SLC35F4: variants seen among roughly 807,000 people sequenced by gnomAD.
SLC35F4 encodes solute carrier family 35 member F4, also known as chromosome 14 open reading frame 36.
SLC35F4 carries 24 observed loss-of-function variants against 44.2 expected under a neutral mutation model. The observed-to-expected ratio is 0.54, with a 90% CI of 0.39 to 0.76. The LOEUF is 0.76. Among genes scored for constraint, SLC35F4 ranks in the 30% least tolerant of loss-of-function variants. SLC35F4 has a pLI of 0.00. For missense variants in SLC35F4, 562 were observed against 586.1 expected, an observed-to-expected ratio of 0.96 and a Z score of 0.42; for synonymous variants, 238 against 223.6, an observed-to-expected ratio of 1.06 and a Z score of -0.57.
intron 1 of SLC35F4, among the ~76,000 whole-genome samples, chr14:57,681,009 GA>G (rs1424014375): frequency 2.0e-5 from 3 of 151,656 alleles, no homozygotes; most frequent in Non-Finnish European, 4.4e-5. Flanking sequence ...CGAAGAATTG[GA>G]AAAAAACTAC....
intron 1 of SLC35F4, among the ~76,000 whole-genome samples, chr14:57,730,736 A>G (rs920185247): frequency 6.6e-6 from 1 of 152,180 alleles, no homozygotes; most frequent in Admixed American, 6.5e-5. Flanking sequence ...CTGTTTCATT[A>G]TTTAGATCCA....
intron 1 of SLC35F4, among the ~76,000 whole-genome samples, chr14:57,843,642 T>C (rs1885713131): frequency 6.6e-6 from 1 of 152,144 alleles, no homozygotes; most frequent in Admixed American, 6.6e-5. Flanking sequence ...TCTAAAAGAC[T>C]GGAGACGAAG....
At chr14:57,798,221 C>T (rs760033654) in intron 1 of SLC35F4, among the ~76,000 whole-genome samples, 26 of 149,302 alleles carry the variant, frequency 1.7e-4, no homozygotes, top group Admixed American at 6.7e-4. Flanking sequence ...ATACACTCTA[C>T]ATGGAAATAA....
intron 1 of SLC35F4, among the ~76,000 whole-genome samples, chr14:57,642,863 G>T (rs1441692925): frequency 6.6e-6 from 1 of 151,840 alleles, no homozygotes; most frequent in Non-Finnish European, 1.5e-5. Context: ...TAATTATTTA[G>T]GTGGTTTACC....
At chr14:57,730,259 G>C (rs771661771) in intron 1 of SLC35F4, among the ~76,000 whole-genome samples, 2 of 152,114 alleles carry the variant, frequency 1.3e-5, no homozygotes, top group Non-Finnish European at 2.9e-5. Context: ...GTTCCCGCAG[G>C]GGACAGGAAG....
At chr14:57,724,215 CTTGGGCCAT>C (rs1185708011) in intron 1 of SLC35F4, among the ~76,000 whole-genome samples, 1 of 152,202 alleles carries the variant, frequency 6.6e-6, no homozygotes, top group Non-Finnish European at 1.5e-5. Context: ...TGCTCTGCCA[CTTGGGCCAT>C]TTGACCCAGC....
intron 1 of SLC35F4, among the ~76,000 whole-genome samples, chr14:57,858,941 A>AG (rs1371762137): frequency 6.6e-6 from 1 of 151,552 alleles, no homozygotes; most frequent in East Asian, 1.9e-4. Flanking sequence ...TCTAAAAAAA[A>AG]AAAAAAAAAA....
At chr14:57,696,075 T>C (rs541007309) in intron 1 of SLC35F4, among the ~76,000 whole-genome samples, 1 of 152,102 alleles carries the variant, frequency 6.6e-6, no homozygotes, top group South Asian at 2.1e-4. Context: ...AAAGCCAAAA[T>C]TGACAAATGG....
chr14:57,807,805 C>A (rs2140876605), intron 1 of SLC35F4, among the ~76,000 whole-genome samples: 1 of 151,864 alleles, frequency 6.6e-6, no homozygotes, highest in East Asian at 1.9e-4. Context: ...TGTCCTCATG[C>A]CGCTAATAAA....
chr14:57,871,259 C>T (rs1202192542), intron 1 of SLC35F4, among the ~76,000 whole-genome samples: 1 of 152,198 alleles, frequency 6.6e-6, no homozygotes, highest in African/African-American at 2.4e-5. Flanking sequence ...GCCCAGTGGA[C>T]TGAAGATCAG....
rs142293878 is a variant in SLC35F4 at position 57,720,582 on chromosome 14, T to C, written c.104-126458A>G. Among the ~76,000 whole-genome samples the C allele has an allele frequency of 5.3e-5, 8 of 152,262 alleles. No individual in the cohort carries two copies. The East Asian group carries it at 9.7e-4, about 18-fold the overall frequency. ...TAGGTTGTATGTATCTAGGAATTTG[T>C]CCATTTCTTCTAGACTGTGATGGCT... On this transcript the variant is annotated intron_variant, in intron 1 of 7. Coordinates refer to ENST00000556826, the MANE Select transcript of SLC35F4 (RefSeq NM_001306087.2).
chr14:57,952,286 A>G (rs1890155872), intron 1 of SLC35F4, among the ~76,000 whole-genome samples: 1 of 152,196 alleles, frequency 6.6e-6, no homozygotes, highest in African/African-American at 2.4e-5. Context: ...TCTGAAGGTC[A>G]CCAGCATCAA....
intron 1 of SLC35F4, among the ~76,000 whole-genome samples, chr14:57,623,978 CA>C (rs1362571305): frequency 2.6e-5 from 4 of 151,986 alleles, no homozygotes; most frequent in Non-Finnish European, 5.9e-5. Context: ...GATAGAGACA[CA>C]AAAATCCCTT....
At chr14:57,759,957 G>A (rs1452610136) in intron 1 of SLC35F4, among the ~76,000 whole-genome samples, 1 of 150,382 alleles carries the variant, frequency 6.6e-6, no homozygotes, top group African/African-American at 2.5e-5. Context: ...TTCTTTATCA[G>A]ATATATGACT....
intron 1 of SLC35F4, among the ~76,000 whole-genome samples, chr14:57,688,275 T>C (rs2075125975): frequency 1.3e-5 from 2 of 152,172 alleles, no homozygotes; most frequent in African/African-American, 2.4e-5. Context: ...TCCTGACTAC[T>C]ACGTACAGAC....
At chr14:57,703,416 A>G (rs563851471) in intron 1 of SLC35F4, among the ~76,000 whole-genome samples, 20 of 152,320 alleles carry the variant, frequency 1.3e-4, no homozygotes, top group African/African-American at 4.6e-4. Context: ...GGAATGTGCC[A>G]TCCTCAAACA....
Position 57,938,470 on chromosome 14 carries a change from G to C in SLC35F4, n.282+43443C>G, listed in dbSNP as rs190347460. 2.8e-4 allele frequency among the ~76,000 whole-genome samples: 43 copies of C among 152,236 alleles called. 1 individual carries two copies. Among genetic ancestry groups the C allele is most frequent in the African/African-American group, 9.4e-4 (39 of 41,544 alleles). ...TCATCAGCACTTCGTTAACTTTCCT[G>C]GGTTGTTTGCTGAGCTATAAAATGG... On this transcript the variant is annotated intron_variant and non_coding_transcript_variant, in intron 1 of 1. Transcript: ENST00000556568.
At chr14:57,969,239 C>T (rs772652169) in intron 1 of SLC35F4, among the ~76,000 whole-genome samples, 1 of 152,138 alleles carries the variant, frequency 6.6e-6, no homozygotes, top group South Asian at 2.1e-4. Context: ...AAAGGTTTTA[C>T]CACAACCTTA....
chr14:57,658,183 T>G (rs889493469), intron 1 of SLC35F4, among the ~76,000 whole-genome samples: 1 of 152,158 alleles, frequency 6.6e-6, no homozygotes, highest in African/African-American at 2.4e-5. Flanking sequence ...TAACTTAACA[T>G]CCATTAAATA....
Sources: allele counts gnomAD v4.1 joint callset (sites outside exome capture counted in the v4.1 genomes callset), GRCh38; gene constraint gnomAD v4.1.1; transcripts MANE v1.5; gene names NCBI Gene and HGNC (gene_info 2026-07-23, HGNC 2026-07-21).